The following NSD2 variants were observed in gnomAD, a reference collection of about 807,000 sequenced individuals.
NSD2 encodes the protein histone-lysine N-methyltransferase NSD2.
Under a neutral mutation model 139.0 loss-of-function variants are expected in NSD2, and 12 were observed. That is an observed-to-expected ratio of 0.09 (90% CI 0.06 to 0.14). The LOEUF (loss-of-function observed/expected upper bound fraction) is 0.14. Ranked by LOEUF, NSD2 falls within the 10% of genes least tolerant of loss-of-function variation. NSD2 has a pLI of 1.00. For missense variants in NSD2, 1,155 were observed against 1,745.0 expected, an observed-to-expected ratio of 0.66 and a Z score of 6.02; for synonymous variants, 669 against 648.7, an observed-to-expected ratio of 1.03 and a Z score of -0.48.
At chr4:1,945,641 C>T in intron 9 of NSD2, 1 of 1,064,112 alleles carries the variant, frequency 9.4e-7, no homozygotes, top group African/African-American at 1.6e-5. Flanking sequence ...CCTCTGTGTC[C>T]CGGCATGGAA....
intron 18 of NSD2, among the ~76,000 whole-genome samples, chr4:1,966,239 C>T (rs755558604): frequency 1.3e-5 from 2 of 152,118 alleles, no homozygotes; most frequent in Non-Finnish European, 2.9e-5. Context: ...GAAAGGATAC[C>T]ATACAGTCAC....
chr4:1,952,530 T>A (rs1465060050), intron 11 of NSD2, among the ~76,000 whole-genome samples: 1 of 152,138 alleles, frequency 6.6e-6, no homozygotes, highest in East Asian at 1.9e-4. Flanking sequence ...CCTGAGCCTG[T>A]GCTATGTGTG....
intron 12 of NSD2, 65 bp downstream of exon 12, chr4:1,953,589 G>A (rs996470171): frequency 5.3e-6 from 8 of 1,506,818 alleles, no homozygotes; most frequent in African/African-American, 4.2e-5. Context: ...GCCCATGGGC[G>A]CTTGGGAAGG....
At chr4:1,959,255 C>T (rs192103903) in intron 16 of NSD2, among the ~76,000 whole-genome samples, 74 of 152,180 alleles carry the variant, frequency 4.9e-4, no homozygotes, top group African/African-American at 1.3e-3. Flanking sequence ...TGTGAGGGGG[C>T]GTTGTGTTGC....
intron 9 of NSD2, chr4:1,946,947 T>C: frequency 9.4e-7 from 1 of 1,060,330 alleles, no homozygotes; most frequent in Non-Finnish European, 1.1e-6. Context: ...TTTTTGCATA[T>C]AACTCTCGGG....
intron 9 of NSD2, chr4:1,944,075 T>G: frequency 9.4e-7 from 1 of 1,065,492 alleles, no homozygotes; most frequent in African/African-American, 1.6e-5. Context: ...AATGATAGTG[T>G]ATCTCAGCGG....
chr4:1,957,470 A>G (rs1405688177), intron 15 of NSD2, among the ~76,000 whole-genome samples: 1 of 124,996 alleles, frequency 8.0e-6, no homozygotes. Context: ...TTTTTTTTGT[A>G]GAGAATGGGG....
rs766766326 is a variant in NSD2 at position 1,940,327 on chromosome 4, A to G, written c.1881+549A>G. The G allele has an allele frequency of 1.8e-4, 188 of 1,070,346 alleles. 1 individual carries two copies. The highest frequency in any genetic ancestry group is 2.1e-4 in the Non-Finnish European group (183 of 881,610). The allele number at this position is 1,070,346 out of a possible 1,614,324, so 66.3% of individuals were successfully genotyped here. On this transcript the variant is annotated intron_variant, in intron 9 of 21. Transcript: ENST00000508803. ...AGTTACTTGAGTGTTGAGGTGAGTC[A>G]GAACTACCATTGTAATATGACTCCT...
chr4:1,944,328 G>A, intron 9 of NSD2: 1 of 1,066,290 alleles, frequency 9.4e-7, no homozygotes, highest in Non-Finnish European at 1.1e-6. Context: ...GGCTTGCCAA[G>A]AGTACAGAAA....
chr4:1,923,122 G>A (rs1432768957), intron 5 of NSD2, among the ~76,000 whole-genome samples: 1 of 151,980 alleles, frequency 6.6e-6, no homozygotes, highest in Non-Finnish European at 1.5e-5. Flanking sequence ...TTGTCACCAT[G>A]GGAGAGGGAA....
At chr4:1,909,025 C>G (rs982282262) in intron 3 of NSD2, among the ~76,000 whole-genome samples, 4 of 151,846 alleles carry the variant, frequency 2.6e-5, no homozygotes, top group Non-Finnish European at 5.9e-5. Context: ...ATTGCACTTT[C>G]TACATTTTAG....
Position 1,979,845 on chromosome 4 carries a change from G to A in NSD2, c.*936G>A, listed in dbSNP as rs916962413. 8 of 232,522 alleles carry A rather than the reference G, an allele frequency of 3.4e-5. No homozygotes were observed. The highest frequency in any genetic ancestry group is 1.8e-4 in the South Asian group (1 of 5,536). The allele number at this position is 232,522 out of a possible 1,614,324, so 14.4% of individuals were successfully genotyped here. On this transcript the variant is annotated 3_prime_UTR_variant, in exon 22 of 22. Coordinates refer to ENST00000508803, the MANE Select transcript of NSD2 (RefSeq NM_001042424.3). ...CTGATGCGGCCCTGAGCTCCATGGC[G>A]AAAGGAGTGACTTTGCAGGGCGTGA...
rs917641922 is a variant in NSD2, at chr4:1,975,170, A to G, written c.3515-124A>G. On this transcript the variant is annotated intron_variant, in intron 19 of 21. Coordinates refer to ENST00000508803, the MANE Select transcript of NSD2 (RefSeq NM_001042424.3). Reference sequence around the variant, plus strand: ...TTTTACCAAGCAAAATTGAAAGGCCATGGGTCAAGCCAGTACAGATACAAA... The same window carrying G: ...TTTTACCAAGCAAAATTGAAAGGCCGTGGGTCAAGCCAGTACAGATACAAA... 17 of 1,398,746 alleles carry G rather than the reference A, an allele frequency of 1.2e-5. No individual in the cohort carries two copies. In the African/African-American group the frequency reaches 2.3e-4, roughly 19 times the overall value. 86.6% of individuals were successfully genotyped at this position (1,398,746 alleles called of 1,614,324 possible).
chr4:1,975,169 C>T, intron 19 of NSD2, 125 bp from the exon 20 acceptor site: 1 of 1,399,936 alleles, frequency 7.1e-7, no homozygotes, highest in Non-Finnish European at 9.8e-7. Context: ...ATTGAAAGGC[C>T]ATGGGTCAAG....
chr4:1,967,685 C>T (rs568932830), intron 18 of NSD2, among the ~76,000 whole-genome samples: 5 of 152,250 alleles, frequency 3.3e-5, no homozygotes, highest in East Asian at 1.9e-4. Flanking sequence ...TCTGCTTTCT[C>T]GCTGCAGGGA....
chr4:1,882,498 C>T (rs747792814), intron 1 of NSD2, among the ~76,000 whole-genome samples: 2 of 152,138 alleles, frequency 1.3e-5, no homozygotes, highest in Non-Finnish European at 2.9e-5. Context: ...CCCGTCTCTA[C>T]TAAAAACACA....
At chr4:1,946,858 G>A in intron 9 of NSD2, 1 of 1,058,326 alleles carries the variant, frequency 9.4e-7, no homozygotes, top group Non-Finnish European at 1.1e-6. Flanking sequence ...CATCTTTTTG[G>A]TTGGATACCT....
intron 9 of NSD2, chr4:1,947,695 G>A: frequency 9.5e-7 from 1 of 1,054,396 alleles, no homozygotes; most frequent in East Asian, 5.4e-5. Context: ...CGCAAACACT[G>A]TGGAGGTACT....
Position 1,901,259 on chromosome 4 carries a change from G to A in NSD2, c.597+8G>A, listed in dbSNP as rs200939716. The stretch of plus-strand genomic sequence containing the variant: ...AGTCCTTCAGATAAAAAGGTATTTA[G>A]GAGACGTTGTGTAAGGGGTCATGTG... On this transcript the variant is annotated splice_region_variant and intron_variant, in intron 2 of 21. Coordinates refer to ENST00000508803, the MANE Select transcript of NSD2 (RefSeq NM_001042424.3). The A allele has an allele frequency of 1.4e-5, 22 of 1,551,708 alleles. No homozygotes were observed. The highest frequency in any genetic ancestry group is 2.2e-5 in the East Asian group (1 of 44,656).
Sources: gnomAD v4.1 joint callset for allele counts (sites outside exome capture counted in the v4.1 genomes callset) on GRCh38, gnomAD v4.1.1 for gene constraint, MANE v1.5 for transcripts, NCBI Gene and HGNC (gene_info 2026-07-23, HGNC 2026-07-21) for gene names.